ABCG2: variants seen among roughly 807,000 people sequenced by gnomAD.
ABCG2 encodes the protein broad substrate specificity ATP-binding cassette transporter ABCG2.
Under a neutral mutation model 73.5 loss-of-function variants are expected in ABCG2, and 80 were observed. The ratio of observed to expected loss-of-function variants is 1.09; its 90% CI spans 0.91 to 1.31. The LOEUF (loss-of-function observed/expected upper bound fraction) is 1.31, where lower values mean the gene tolerates loss of function less well. ABCG2 is among the 50% of genes most tolerant of loss of function. ABCG2 has a pLI of 0.00. For synonymous variants in ABCG2, 269 were observed against 282.4 expected (o/e 0.95, Z 0.48); for missense variants, 796 against 786.2 (o/e 1.01, Z -0.15).
intron 1 of ABCG2, among the ~76,000 whole-genome samples, chr4:88,142,825 A>G (rs953414399): frequency 6.6e-6 from 1 of 151,968 alleles, no homozygotes; most frequent in African/African-American, 2.4e-5. Flanking sequence ...GTGCACACCC[A>G]TGGTTTCGGC....
intron 15 of ABCG2, 92 bp from the exon 16 acceptor site, chr4:88,092,473 T>C (rs1411337686): frequency 1.5e-6 from 2 of 1,353,890 alleles, no homozygotes; most frequent in Non-Finnish European, 2.0e-6. Context: ...GAGCCTAAAA[T>C]TGAACCAAGC....
At position 88,099,432 on chromosome 4, in the gene ABCG2, C is replaced by A. The variant is rs752408502; in HGVS notation, c.1384G>T (p.Gly462Ter). Residue 462 changes from glycine (G) to a stop codon, truncating the protein, a stop_gained, in exon 12 of 16, where the codon GGA becomes TGA. Transcript: ENST00000237612. LOFTEE classifies it high-confidence loss of function. The part of the protein sequence containing the change: ...KKLFIHEYIS[G>*]YYRVSSYFLG... Reference sequence around the variant, plus strand: ...AAATAAGATGACACTCTGTAGTATCCGCTGATGTATTCATGTCTATAGAAC... The same window carrying A: ...AAATAAGATGACACTCTGTAGTATCAGCTGATGTATTCATGTCTATAGAAC... 6.2e-6 allele frequency: 10 copies of A among 1,603,718 alleles called. No homozygotes were observed. The highest frequency in any genetic ancestry group is 7.6e-6 in the Non-Finnish European group (9 of 1,176,770).
At chr4:88,112,859 T>C (rs550651063) in intron 9 of ABCG2, among the ~76,000 whole-genome samples, 1 of 152,078 alleles carries the variant, frequency 6.6e-6, no homozygotes, top group Non-Finnish European at 1.5e-5. Context: ...CCTGTAATCC[T>C]AGCACTCTGG....
At chr4:88,137,012 C>CAATAAAATAAAATAAAATAAAATAA (rs56033368) in intron 2 of ABCG2, among the ~76,000 whole-genome samples, 1,690 of 123,426 alleles carry the variant, frequency 0.014, 65 homozygotes, top group East Asian at 0.1. Flanking sequence ...ACCTCCATCT[C>CAATAAAATAAAATAAAATAAAATAA]AATAAAATAA....
chr4:88,110,335 G>T (rs753948190), intron 9 of ABCG2, among the ~76,000 whole-genome samples: 45 of 152,076 alleles, frequency 3.0e-4, no homozygotes, highest in Non-Finnish European at 5.1e-4. Context: ...CTGAGGTCAG[G>T]AGTTCGAAGC....
At chr4:88,230,513 AAGG>A (rs947201133) in intron 1 of ABCG2, among the ~76,000 whole-genome samples, 8 of 151,862 alleles carry the variant, frequency 5.3e-5, no homozygotes, top group Non-Finnish European at 1.2e-4. Context: ...TATATAATCT[AAGG>A]AGAAGCCCAA....
chr4:88,151,618 A>G (rs2110072899), intron 1 of ABCG2, among the ~76,000 whole-genome samples: 1 of 152,198 alleles, frequency 6.6e-6, no homozygotes, highest in Admixed American at 6.5e-5. Context: ...GGGCGCCGGT[A>G]GTCCCAGCTG....
chr4:88,204,606 T>TG (rs1420719448), intron 1 of ABCG2, among the ~76,000 whole-genome samples: 1 of 152,240 alleles, frequency 6.6e-6, no homozygotes, highest in African/African-American at 2.4e-5. Flanking sequence ...TAATTCCAAG[T>TG]GTATGCACAA....
intron 1 of ABCG2, among the ~76,000 whole-genome samples, chr4:88,181,540 A>G (rs1728252415): frequency 6.6e-6 from 1 of 152,106 alleles, no homozygotes. Context: ...AGATCAGCCT[A>G]GGCAACAGAG....
At chr4:88,162,156 G>A (rs922401671), upstream of ABCG2, among the ~76,000 whole-genome samples, 8 of 152,008 alleles carry the variant, frequency 5.3e-5, no homozygotes, top group Admixed American at 1.3e-4. Context: ...AGGCTGCAGC[G>A]AGCCATGATC....
At chr4:88,201,668 G>C (rs1257924934) in intron 1 of ABCG2, 1 of 152,144 alleles carries the variant, frequency 6.6e-6, no homozygotes, top group Non-Finnish European at 1.5e-5. Context: ...ACTATTGTGG[G>C]CTTCACCTGG....
chr4:88,220,431 T>G (rs961622286), intron 1 of ABCG2: 1 of 152,246 alleles, frequency 6.6e-6, no homozygotes, highest in Non-Finnish European at 1.5e-5. Context: ...CCACCAACAG[T>G]GCACAAGAGT....
At chr4:88,217,520 GGTGTGGT>G (rs1393297541) in intron 1 of ABCG2, among the ~76,000 whole-genome samples, 1 of 152,110 alleles carries the variant, frequency 6.6e-6, no homozygotes, top group East Asian at 1.9e-4. Flanking sequence ...AAATTAGCCA[GGTGTGGT>G]GGTGTGTGCC....
At chr4:88,195,231 C>A (rs1444956214) in intron 1 of ABCG2, among the ~76,000 whole-genome samples, 1 of 152,084 alleles carries the variant, frequency 6.6e-6, no homozygotes, top group Non-Finnish European at 1.5e-5. Flanking sequence ...GAGACCCTGT[C>A]TCTAAAAATA....
intron 1 of ABCG2, among the ~76,000 whole-genome samples, chr4:88,175,009 G>T (rs1727900737): frequency 6.6e-6 from 1 of 152,158 alleles, no homozygotes; most frequent in African/African-American, 2.4e-5. Context: ...GCTTGTTTTT[G>T]TCAGGTTTGT....
intron 5 of ABCG2, among the ~76,000 whole-genome samples, chr4:88,123,954 C>G (rs1002748636): frequency 6.6e-6 from 1 of 152,212 alleles, no homozygotes; most frequent in Admixed American, 6.5e-5. Flanking sequence ...ATCAGACTAA[C>G]AGCAGATCTC....
intron 1 of ABCG2, among the ~76,000 whole-genome samples, chr4:88,218,270 T>C (rs1284677468): frequency 6.6e-6 from 1 of 152,170 alleles, no homozygotes; most frequent in Non-Finnish European, 1.5e-5. Context: ...CTGTAACCCT[T>C]CTCACCGTCT....
chr4:88,218,716 GTTAC>G (rs769660974), intron 1 of ABCG2, among the ~76,000 whole-genome samples: 10 of 152,188 alleles, frequency 6.6e-5, no homozygotes, highest in Non-Finnish European at 1.5e-4. Context: ...CCATTCCTGA[GTTAC>G]TTAGAATAAT....
chr4:88,115,134 G>A (rs1723447042), intron 7 of ABCG2, 76 bp from the exon 8 acceptor site: 5 of 970,252 alleles, frequency 5.2e-6, no homozygotes, highest in South Asian at 1.4e-5. Flanking sequence ...CAGAGGGTGA[G>A]GGAGGTAAGG....
Sources: allele counts gnomAD v4.1 joint callset (sites outside exome capture counted in the v4.1 genomes callset), GRCh38; gene constraint gnomAD v4.1.1; transcripts MANE v1.5; gene names NCBI Gene and HGNC (gene_info 2026-07-23, HGNC 2026-07-21).